The following EFCAB6 variants were observed in gnomAD, a reference collection of about 807,000 sequenced individuals.
The protein encoded by EFCAB6 is EF-hand calcium binding domain 6, also known as EF-hand calcium-binding domain-containing protein 6.
A neutral mutation model predicts 169.8 loss-of-function variants in EFCAB6; 156 were observed. The observed-to-expected ratio is 0.92, with a 90% confidence interval of 0.81 to 1.05. The LOEUF (loss-of-function observed/expected upper bound fraction) is 1.05. Among genes scored for constraint, EFCAB6 ranks in the 50% least tolerant of loss-of-function variants. The pLI, the probability that EFCAB6 is intolerant of heterozygous loss-of-function variation, is 0.00. For synonymous variants in EFCAB6, 698 were observed against 676.4 expected, an observed-to-expected ratio of 1.03 and a Z score of -0.50; for missense variants, 1,800 against 1,829.1, an observed-to-expected ratio of 0.98 and a Z score of 0.29.
chr22:43,569,600 T>C lies in EFCAB6; in HGVS notation c.3420+6697A>G, dbSNP rs558903333. 4.6e-5 allele frequency among the ~76,000 whole-genome samples: 7 copies of C among 152,340 alleles called. No homozygotes were observed. In the East Asian group the frequency reaches 1.4e-3, roughly 29 times the overall value. On this transcript the variant is annotated intron_variant, in intron 26 of 31. Coordinates refer to ENST00000262726, the MANE Select transcript of EFCAB6 (RefSeq NM_022785.4). ...TGCCTGTAGGCCCTGCTGGGTGGCC[T>C]GCGATAATACTCCTTCTGCCTTAGC...
intron 17 of EFCAB6, among the ~76,000 whole-genome samples, chr22:43,655,997 C>G (rs755726239): frequency 6.6e-6 from 1 of 152,186 alleles, no homozygotes; most frequent in South Asian, 2.1e-4. Context: ...AATAATTCAA[C>G]AGTCAACAGA....
At chr22:43,689,140 T>C (rs1274458161) in intron 10 of EFCAB6, among the ~76,000 whole-genome samples, 1 of 151,982 alleles carries the variant, frequency 6.6e-6, no homozygotes, top group Non-Finnish European at 1.5e-5. Context: ...TATCAGTGCC[T>C]GACTCCCAGC....
rs142099023 is a variant in EFCAB6 at position 43,796,934 on chromosome 22, T to C, written c.-8+12061A>G. 5.2e-3 allele frequency among the ~76,000 whole-genome samples: 791 copies of C among 152,316 alleles called. 5 individuals are homozygous for C. Among genetic ancestry groups the C allele is most frequent in the African/African-American group, 0.018 (731 of 41,572 alleles). On this transcript the variant is annotated intron_variant, in intron 2 of 31. Coordinates refer to ENST00000262726, the MANE Select transcript of EFCAB6 (RefSeq NM_022785.4). ...GGATGGAATCATTCTCTGAACTCACTGCAGTTGTCTAGTATTTCCATTCAT... is the reference window on the plus strand; with the variant it reads ...GGATGGAATCATTCTCTGAACTCACCGCAGTTGTCTAGTATTTCCATTCAT...
At chr22:43,540,449 C>T (rs556720763) in intron 27 of EFCAB6, 92 bp from the exon 28 acceptor site, 5 of 1,590,920 alleles carry the variant, frequency 3.1e-6, no homozygotes, top group African/African-American at 1.3e-5. Context: ...AGGCCGGCCT[C>T]GCAGGAGGTG....
intron 4 of EFCAB6, among the ~76,000 whole-genome samples, chr22:43,770,389 A>T (rs1350608704): frequency 6.6e-6 from 1 of 152,238 alleles, no homozygotes; most frequent in East Asian, 1.9e-4. Context: ...GACCCCTCTC[A>T]ATGGAAAAGA....
At chr22:43,686,122 C>G (rs899471969) in intron 11 of EFCAB6, among the ~76,000 whole-genome samples, 11 of 152,056 alleles carry the variant, frequency 7.2e-5, no homozygotes, top group Non-Finnish European at 1.6e-4. Context: ...GCTGGGATTA[C>G]AGGCTTGCGC....
chr22:43,672,824 G>A (rs866590732), intron 13 of EFCAB6, among the ~76,000 whole-genome samples: 91 of 152,120 alleles, frequency 6.0e-4, no homozygotes, highest in African/African-American at 1.9e-3. Flanking sequence ...AAACCCCCAT[G>A]ACACAAGTTT....
intron 2 of EFCAB6, among the ~76,000 whole-genome samples, chr22:43,791,479 G>T (rs2062286031): frequency 6.6e-6 from 1 of 152,098 alleles, no homozygotes; most frequent in Non-Finnish European, 1.5e-5. Context: ...AGGTCAAAGG[G>T]CTGAGCCTTG....
chr22:43,573,346 T>C lies in EFCAB6; in HGVS notation c.3420+2951A>G, dbSNP rs577012746. On this transcript the variant is annotated intron_variant, in intron 26 of 31. Transcript: ENST00000262726. The stretch of plus-strand genomic sequence containing the variant: ...TTTGATACAAATGAAAAATGTTTGT[T>C]AAAAAAAAAGACTTGCAAGAGTTCA... Among the ~76,000 whole-genome samples, 54 of 150,734 alleles carry C rather than the reference T, an allele frequency of 3.6e-4. 1 individual carries two copies. The South Asian group carries it at 0.011, about 32-fold the overall frequency.
In EFCAB6 at chr22:43,628,546, C is replaced by T. The variant is rs968644402; in HGVS notation, c.2233-1867G>A. Reference sequence around the variant, plus strand: ...GCTCAACCCCCTTGACTCTCCTTCTCACTCAGAGTCCAAGGCCAAGGCCTG... The same window carrying T: ...GCTCAACCCCCTTGACTCTCCTTCTTACTCAGAGTCCAAGGCCAAGGCCTG... On this transcript the variant is annotated intron_variant, in intron 19 of 31. Coordinates refer to ENST00000262726, the MANE Select transcript of EFCAB6 (RefSeq NM_022785.4). This position sits in a 1 kb window ranked among gnomAD's most constrained non-coding sequence, Gnocchi z 4.8. 2.0e-5 allele frequency among the ~76,000 whole-genome samples: 3 copies of T among 152,172 alleles called. No individual in the cohort carries two copies. The highest frequency in any genetic ancestry group is 7.2e-5 in the African/African-American group (3 of 41,446).
At chr22:43,599,943 C>T (rs2052371876) in intron 23 of EFCAB6, 126 bp downstream of exon 23, 2 of 1,089,116 alleles carry the variant, frequency 1.8e-6, no homozygotes, top group Non-Finnish European at 2.6e-6. Context: ...CAACTGTGAA[C>T]AAGCACGATC....
intron 17 of EFCAB6, among the ~76,000 whole-genome samples, chr22:43,658,636 G>T (rs944247999): frequency 1.3e-5 from 2 of 152,170 alleles, no homozygotes; most frequent in Non-Finnish European, 2.9e-5. Flanking sequence ...TGAGGCTGTG[G>T]CTGCTTTTGC....
chr22:43,587,605 C>T (rs1216492122), intron 24 of EFCAB6, among the ~76,000 whole-genome samples: 1 of 152,018 alleles, frequency 6.6e-6, no homozygotes, highest in Admixed American at 6.5e-5. Context: ...TCAAATCTCC[C>T]TCTGCCTCCC....
At chr22:43,535,680 A>G (rs1210656609) in intron 29 of EFCAB6, 3 of 152,264 alleles carry the variant, frequency 2.0e-5, no homozygotes, top group African/African-American at 7.2e-5. Flanking sequence ...TTGAAGTTTC[A>G]TAGACTAGAC....
intron 21 of EFCAB6, among the ~76,000 whole-genome samples, chr22:43,611,578 C>T (rs2053304072): frequency 6.6e-6 from 1 of 152,180 alleles, no homozygotes; most frequent in South Asian, 2.1e-4. Context: ...AGGCAGATCG[C>T]TTGAGCCCAG....
intron 30 of EFCAB6, among the ~76,000 whole-genome samples, chr22:43,532,501 C>T (rs1432147057): frequency 6.6e-6 from 1 of 152,016 alleles, no homozygotes; most frequent in Non-Finnish European, 1.5e-5. Context: ...TCTCCACGTT[C>T]GTGGCTCCCG....
intron 2 of EFCAB6, among the ~76,000 whole-genome samples, chr22:43,783,559 T>G (rs2061905296): frequency 6.6e-6 from 1 of 152,176 alleles, no homozygotes; most frequent in African/African-American, 2.4e-5. Context: ...GAGATACTGT[T>G]CCCAGGCATT....
chr22:43,608,184 A>C (rs893896310), intron 22 of EFCAB6, among the ~76,000 whole-genome samples: 2 of 152,200 alleles, frequency 1.3e-5, no homozygotes, highest in Non-Finnish European at 2.9e-5. Context: ...TAAAACAGTA[A>C]AGGTCTGGGC....
chr22:43,664,856 G>C (rs2057172079), intron 17 of EFCAB6, among the ~76,000 whole-genome samples: 1 of 152,108 alleles, frequency 6.6e-6, no homozygotes, highest in South Asian at 2.1e-4. Context: ...CTGAGGGGTC[G>C]CTCTGGCTGC....
Sources: gnomAD v4.1 joint callset for allele counts (sites outside exome capture counted in the v4.1 genomes callset) on GRCh38, gnomAD v4.1.1 for gene constraint, Gnocchi (gnomAD v3.1) non-coding constraint, MANE v1.5 for transcripts, NCBI Gene and HGNC (gene_info 2026-07-23, HGNC 2026-07-21) for gene names.